Variants in SGCZ observed in about 807,000 individuals in gnomAD.
SGCZ encodes the protein zeta-sarcoglycan.
A neutral mutation model predicts 41.3 loss-of-function variants in SGCZ; 40 were observed. That is an observed-to-expected ratio of 0.97 (90% CI 0.75 to 1.26). The LOEUF (loss-of-function observed/expected upper bound fraction) is 1.26. Among genes scored for constraint, SGCZ ranks in the 50% most tolerant of loss-of-function variants. The pLI is 0.00. For missense variants in SGCZ, 552 were observed against 369.8 expected, an observed-to-expected ratio of 1.49 and a Z score of -4.04; for synonymous variants, 206 against 137.5, an observed-to-expected ratio of 1.50 and a Z score of -3.49.
intron 1 of SGCZ, among the ~76,000 whole-genome samples, chr8:14,791,162 CAT>C (rs1800939271): frequency 6.6e-6 from 1 of 152,016 alleles, no homozygotes; most frequent in East Asian, 1.9e-4. Flanking sequence ...CTATAATGTA[CAT>C]GTTAATATTT....
intron 2 of SGCZ, among the ~76,000 whole-genome samples, chr8:14,478,807 T>G (rs183006058): frequency 1.3e-5 from 2 of 152,260 alleles, no homozygotes; most frequent in East Asian, 3.9e-4. Flanking sequence ...TTTCTCTACT[T>G]CCCATTTTCA....
At chr8:14,726,341 T>TATATATATATAA (rs1426005706) in intron 1 of SGCZ, among the ~76,000 whole-genome samples, 4 of 144,522 alleles carry the variant, frequency 2.8e-5, no homozygotes, top group Admixed American at 1.4e-4. Flanking sequence ...TATATATATA[T>TATATATATATAA]AAAATTAGAT....
At chr8:15,037,238 C>T (rs900543760) in intron 1 of SGCZ, among the ~76,000 whole-genome samples, 1 of 152,126 alleles carries the variant, frequency 6.6e-6, no homozygotes, top group Admixed American at 6.5e-5. Flanking sequence ...CGGTTACCCC[C>T]ATGCTAATCT....
At chr8:14,379,261 G>A (rs1410753704) in intron 2 of SGCZ, among the ~76,000 whole-genome samples, 1 of 152,088 alleles carries the variant, frequency 6.6e-6, no homozygotes, top group Admixed American at 6.6e-5. Flanking sequence ...TTTAAGTAAC[G>A]ATAAAAATTC....
chr8:14,909,438 T>G (rs1481038366), intron 1 of SGCZ, among the ~76,000 whole-genome samples: 1 of 152,176 alleles, frequency 6.6e-6, no homozygotes, highest in Non-Finnish European at 1.5e-5. Context: ...GAATTCTGCC[T>G]TTTTATATAA....
chr8:14,840,649 T>C (rs1178842529), intron 1 of SGCZ, among the ~76,000 whole-genome samples: 1 of 152,046 alleles, frequency 6.6e-6, no homozygotes, highest in Non-Finnish European at 1.5e-5. Flanking sequence ...TATCTTAACT[T>C]AGAAGTAGAG....
At chr8:14,944,277 C>T (rs753579218) in intron 1 of SGCZ, among the ~76,000 whole-genome samples, 14 of 152,114 alleles carry the variant, frequency 9.2e-5, no homozygotes, top group South Asian at 2.1e-4. Context: ...CAGTTGTCAA[C>T]GTGGGGTTAA....
chr8:14,226,126 G>A (rs1255564173), intron 4 of SGCZ, among the ~76,000 whole-genome samples: 2 of 151,944 alleles, frequency 1.3e-5, no homozygotes, highest in Non-Finnish European at 2.9e-5. Context: ...ATTCCCCACT[G>A]GACCTGAAGT....
At chr8:14,467,487 TGC>T (rs1240971962) in intron 2 of SGCZ, among the ~76,000 whole-genome samples, 1 of 152,068 alleles carries the variant, frequency 6.6e-6, no homozygotes, top group Admixed American at 6.6e-5. Flanking sequence ...TAAAACTGTG[TGC>T]AAACTGCTTC....
intron 1 of SGCZ, among the ~76,000 whole-genome samples, chr8:14,971,489 G>A (rs1029788225): frequency 6.6e-6 from 1 of 151,864 alleles, no homozygotes; most frequent in African/African-American, 2.4e-5. Context: ...AAAGAGGGTA[G>A]GATTTTGTCA....
intron 3 of SGCZ, among the ~76,000 whole-genome samples, chr8:14,314,958 C>G (rs1801665926): frequency 6.6e-6 from 1 of 152,126 alleles, no homozygotes; most frequent in South Asian, 2.1e-4. Flanking sequence ...AGGCTAAGTT[C>G]ATCAAAATTG....
intron 5 of SGCZ, among the ~76,000 whole-genome samples, chr8:14,156,469 A>T (rs1803879557): frequency 6.6e-6 from 1 of 152,074 alleles, no homozygotes; most frequent in Non-Finnish European, 1.5e-5. Context: ...TCAGAAAAAA[A>T]CAAAAACAAA....
chr8:14,846,933 G>A (rs547215440), intron 1 of SGCZ, among the ~76,000 whole-genome samples: 16 of 151,978 alleles, frequency 1.1e-4, no homozygotes, highest in South Asian at 8.3e-4. Flanking sequence ...TTAGCTGGGC[G>A]TGGTGGCACA....
chr8:14,778,540 G>T (rs1218141304), intron 1 of SGCZ, among the ~76,000 whole-genome samples: 1 of 151,764 alleles, frequency 6.6e-6, no homozygotes, highest in East Asian at 1.9e-4. Context: ...AAACAGAAAA[G>T]ACAGTGTATA....
intron 1 of SGCZ, among the ~76,000 whole-genome samples, chr8:15,084,069 T>C (rs941957216): frequency 6.6e-6 from 1 of 152,166 alleles, no homozygotes; most frequent in African/African-American, 2.4e-5. Flanking sequence ...TTTTGAAAAA[T>C]TGTAGAAACT....
chr8:14,165,344 A>G (rs1221710385), intron 4 of SGCZ: 1 of 152,182 alleles, frequency 6.6e-6, no homozygotes, highest in African/African-American at 2.4e-5. Context: ...TATTAAATAA[A>G]TGTAATTACA....
intron 2 of SGCZ, among the ~76,000 whole-genome samples, chr8:14,460,324 A>C (rs1421517598): frequency 6.6e-6 from 1 of 152,228 alleles, no homozygotes; most frequent in Non-Finnish European, 1.5e-5. Flanking sequence ...TTGAAAACTC[A>C]AAAGCCTAAA....
At chr8:14,566,170 T>G (rs1563414977) in intron 1 of SGCZ, among the ~76,000 whole-genome samples, 1 of 152,242 alleles carries the variant, frequency 6.6e-6, no homozygotes, top group Non-Finnish European at 1.5e-5. Flanking sequence ...ATCAGAATAT[T>G]ATTATATGCT....
chr8:15,145,421 C>T (rs1272218289), intron 1 of SGCZ, among the ~76,000 whole-genome samples: 1 of 152,064 alleles, frequency 6.6e-6, no homozygotes, highest in African/African-American at 2.4e-5. Flanking sequence ...CTTTGAAATC[C>T]CAGATCCACA....
Sources: allele counts gnomAD v4.1 joint callset (sites outside exome capture counted in the v4.1 genomes callset), GRCh38; gene constraint gnomAD v4.1.1; transcripts MANE v1.5; gene names NCBI Gene and HGNC (gene_info 2026-07-23, HGNC 2026-07-21).